Variants in NCOA3 observed in about 807,000 individuals in gnomAD.
NCOA3 encodes the protein nuclear receptor coactivator 3, also known as CBP-interacting protein.
In NCOA3, 51 loss-of-function variants were observed where a neutral mutation model predicts 158.8. The ratio of observed to expected loss-of-function variants is 0.32; its 90% CI spans 0.26 to 0.41. The LOEUF is 0.41. NCOA3 is among the 10% of genes least tolerant of loss of function. The probability of loss-of-function intolerance (pLI) is 1.00; values close to 1 mark genes in which losing one functional copy is unlikely to be tolerated. For synonymous variants in NCOA3, 537 were observed against 592.4 expected (o/e 0.91, Z 1.36); for missense variants, 1,510 against 1,746.6 (o/e 0.86, Z 2.41).
intron 1 of NCOA3, among the ~76,000 whole-genome samples, chr20:47,511,572 A>G (rs1342811895): frequency 1.5e-4 from 2 of 13,182 alleles, no homozygotes; most frequent in East Asian, 7.0e-3. Context: ...TTTTTTTTTG[A>G]GACGGTCTTG....
At chr20:47,518,973 T>G (rs907688677) in intron 1 of NCOA3, among the ~76,000 whole-genome samples, 1 of 150,272 alleles carries the variant, frequency 6.7e-6, no homozygotes, top group Non-Finnish European at 1.5e-5. Context: ...TCATCTCTAC[T>G]AAAAATACAA....
chr20:47,603,870 TG>T (rs1021818457), intron 2 of NCOA3, among the ~76,000 whole-genome samples: 3 of 152,114 alleles, frequency 2.0e-5, no homozygotes, highest in African/African-American at 7.2e-5. Flanking sequence ...GTACAGGATA[TG>T]GGGGCGTGGT....
intron 1 of NCOA3, among the ~76,000 whole-genome samples, chr20:47,505,235 A>G (rs1468141583): frequency 6.6e-6 from 1 of 150,638 alleles, no homozygotes; most frequent in East Asian, 1.9e-4. Flanking sequence ...CTATTTTTGT[A>G]TTTTTAGTAG....
chr20:47,655,365 C>T lies in NCOA3; in HGVS notation c.*1948C>T, dbSNP rs1170363580. The T allele has an allele frequency of 6.6e-6, 1 of 152,098 alleles. No individual in the cohort carries two copies. The highest frequency in any genetic ancestry group is 6.5e-5 in the Admixed American group (1 of 15,270). 9.4% of individuals were successfully genotyped at this position (152,098 alleles called of 1,614,324 possible). On this transcript the variant is annotated 3_prime_UTR_variant, in exon 23 of 23. Coordinates refer to ENST00000371998, the MANE Select transcript of NCOA3 (RefSeq NM_181659.3). Reference sequence around the variant, plus strand: ...ATCATTTTCTAGCAATAACTGAGAGCCAGTTAATTTTAAGAATTTCACACA... The same window carrying T: ...ATCATTTTCTAGCAATAACTGAGAGTCAGTTAATTTTAAGAATTTCACACA...
chr20:47,531,550 A>G (rs2084547461), intron 1 of NCOA3, among the ~76,000 whole-genome samples: 1 of 152,188 alleles, frequency 6.6e-6, no homozygotes, highest in African/African-American at 2.4e-5. Flanking sequence ...TCTCTTCTGG[A>G]CTGTTGGGCT....
intron 2 of NCOA3, among the ~76,000 whole-genome samples, chr20:47,621,454 G>A (rs533350887): frequency 8.6e-5 from 13 of 152,040 alleles, no homozygotes; most frequent in Middle Eastern, 3.4e-3. Flanking sequence ...GTTTAGAATC[G>A]TTGAACTTCT....
intron 3 of NCOA3, among the ~76,000 whole-genome samples, chr20:47,622,737 G>A (rs1172095238): frequency 6.6e-6 from 1 of 152,228 alleles, no homozygotes; most frequent in South Asian, 2.1e-4. Context: ...ATTATCATTA[G>A]TTCTTATAGG....
At chr20:47,608,991 G>A (rs1380861727) in intron 2 of NCOA3, among the ~76,000 whole-genome samples, 2 of 152,088 alleles carry the variant, frequency 1.3e-5, no homozygotes, top group Non-Finnish European at 2.9e-5. Flanking sequence ...TCTTTTATTA[G>A]TAAGAAACAT....
In NCOA3 at chr20:47,533,071, C is replaced by A. The variant is rs1369353802; in HGVS notation, c.-99+31052C>A. ...AGTGAGCCAGGATTGTGCCATTGCA[C>A]TCCAGCTTGGGCAACAGAGCAAGAC... On this transcript the variant is annotated intron_variant, in intron 1 of 22. Coordinates refer to ENST00000371998, the MANE Select transcript of NCOA3 (RefSeq NM_181659.3). 4.6e-5 allele frequency among the ~76,000 whole-genome samples: 6 copies of A among 130,796 alleles called. No homozygotes were observed. In the East Asian group the frequency reaches 1.3e-3, roughly 29 times the overall value. The allele number at this position is 130,796 out of a possible 152,430, so 85.8% of individuals were successfully genotyped here. A position where few individuals can be genotyped will look rare whatever the true frequency, so the allele number is the denominator to read the frequency against.
rs954923385 is a variant in NCOA3 at position 47,654,151 on chromosome 20, G to C, written c.*734G>C. 2 of 152,572 alleles carry C rather than the reference G, an allele frequency of 1.3e-5. No homozygotes were observed. Among genetic ancestry groups the C allele is most frequent in the African/African-American group, 4.8e-5 (2 of 41,436 alleles). 9.5% of individuals were successfully genotyped at this position (152,572 alleles called of 1,614,324 possible). ...TGAGTGCACTTTATTTAAAAAGAAT[G>C]GATAAATGCAATATTCTTGAGGTCT... is the stretch of plus-strand genomic sequence containing the variant. On this transcript the variant is annotated 3_prime_UTR_variant, in exon 23 of 23. Coordinates refer to ENST00000371998, the MANE Select transcript of NCOA3 (RefSeq NM_181659.3).
intron 1 of NCOA3, among the ~76,000 whole-genome samples, chr20:47,502,927 A>C (rs1453556454): frequency 6.6e-6 from 1 of 152,098 alleles, no homozygotes; most frequent in Admixed American, 6.6e-5. Flanking sequence ...CCCAAATGGA[A>C]TGACACGGAA....
Position 47,639,948 on chromosome 20 carries a change from A to G in NCOA3, c.2977A>G (p.Met993Val). Residue 993 changes from methionine (M) to valine (V), a missense_variant, in exon 16 of 23, where the codon ATG (methionine) becomes GTG (valine). Met to Val is a conservative substitution (Grantham distance 21). Transcript: ENST00000371998. ...QMRPGEIPMG[M>V]GANPYGQAAA... ...AGGGCCTGGTGAAATCCCCATGGGAATGGGGGCTAATCCCTATGGCCAAGC... is the reference window on the plus strand; with the variant it reads ...AGGGCCTGGTGAAATCCCCATGGGAGTGGGGGCTAATCCCTATGGCCAAGC... The G allele has an allele frequency of 1.9e-6, 3 of 1,614,130 alleles. No individual in the cohort carries two copies. The highest frequency in any genetic ancestry group is 2.5e-6 in the Non-Finnish European group (3 of 1,180,026).
chr20:47,619,368 G>C (rs1231069730), intron 2 of NCOA3, among the ~76,000 whole-genome samples: 1 of 152,108 alleles, frequency 6.6e-6, no homozygotes, highest in East Asian at 1.9e-4. Context: ...ATGTAGGCTG[G>C]GTGTGGTGGG....
At chr20:47,650,860 TA>T in intron 19 of NCOA3, 121 bp from the exon 20 acceptor site, 21 of 880,668 alleles carry the variant, frequency 2.4e-5, no homozygotes, top group Non-Finnish European at 3.5e-5. Flanking sequence ...GAGACCCTGT[TA>T]AAAAAAAGAA....
At chr20:47,538,106 C>T (rs955601418) in intron 1 of NCOA3, among the ~76,000 whole-genome samples, 4 of 150,764 alleles carry the variant, frequency 2.7e-5, no homozygotes, top group African/African-American at 4.9e-5. Flanking sequence ...TCTTGAACTC[C>T]TGACTTCAGG....
Position 47,654,445 on chromosome 20 carries a change from CACA to C in NCOA3, c.*1034_*1036del, listed in dbSNP as rs1296336158. The C allele has an allele frequency of 4.6e-5, 7 of 152,192 alleles. No individual in the cohort carries two copies. Among genetic ancestry groups the C allele is most frequent in the African/African-American group, 9.7e-5 (4 of 41,310 alleles). 9.4% of individuals were successfully genotyped at this position (152,192 alleles called of 1,614,324 possible). ...TATGTATATACCTTTTTTTGTAGGT[CACA>C]ACAACTCATTTTTACAGAGTTTGTG... is the stretch of plus-strand genomic sequence containing the variant. On this transcript the variant is annotated 3_prime_UTR_variant, in exon 23 of 23. Transcript: ENST00000371998.
intron 1 of NCOA3, among the ~76,000 whole-genome samples, chr20:47,524,487 C>T (rs187383513): frequency 1.3e-4 from 20 of 152,282 alleles, no homozygotes; most frequent in East Asian, 3.9e-4. Context: ...CAAAATGATA[C>T]GGCTCTAATG....
chr20:47,561,933 A>T (rs927558677), intron 1 of NCOA3, among the ~76,000 whole-genome samples: 1 of 152,072 alleles, frequency 6.6e-6, no homozygotes, highest in Non-Finnish European at 1.5e-5. Context: ...CCTTCCCCGT[A>T]ATCTCAGGCA....
At chr20:47,543,407 C>T (rs1223267453) in intron 1 of NCOA3, among the ~76,000 whole-genome samples, 6 of 152,222 alleles carry the variant, frequency 3.9e-5, no homozygotes, top group African/African-American at 1.4e-4. Context: ...GACTACTTCC[C>T]AGGGAGTGTG....
Sources: gnomAD v4.1 joint callset for allele counts (sites outside exome capture counted in the v4.1 genomes callset) on GRCh38, gnomAD v4.1.1 for gene constraint, MANE v1.5 for transcripts, NCBI Gene and HGNC (gene_info 2026-07-23, HGNC 2026-07-21) for gene names.